The following CLVS1 variants were observed in gnomAD, a reference collection of about 807,000 sequenced individuals.
The protein encoded by CLVS1 is clavesin-1.
In CLVS1, 10 loss-of-function variants were observed where a neutral mutation model predicts 33.1. The ratio of observed to expected loss-of-function variants is 0.30; its 90% confidence interval spans 0.19 to 0.51. The LOEUF (loss-of-function observed/expected upper bound fraction) is 0.51. Ranked by LOEUF, CLVS1 falls within the 20% of genes least tolerant of loss-of-function variation. The pLI is 0.97. For synonymous variants in CLVS1, 163 were observed against 166.1 expected (o/e 0.98, Z 0.14); for missense variants, 343 against 433.4 (o/e 0.79, Z 1.85).
chr8:61,411,251 G>C (rs1041766860), intron 3 of CLVS1, among the ~76,000 whole-genome samples: 12 of 152,240 alleles, frequency 7.9e-5, no homozygotes, highest in African/African-American at 2.9e-4. Context: ...AGGTTCCAGA[G>C]GTTGTTGCTT....
intron 1 of CLVS1, among the ~76,000 whole-genome samples, chr8:61,130,554 G>C (rs1420854888): frequency 6.6e-6 from 1 of 152,154 alleles, no homozygotes; most frequent in Non-Finnish European, 1.5e-5. Context: ...TGGTATCTTG[G>C]GTGAGAAAAT....
chr8:61,475,619 C>G (rs2129607925), intron 5 of CLVS1, among the ~76,000 whole-genome samples: 1 of 152,220 alleles, frequency 6.6e-6, no homozygotes, highest in Non-Finnish European at 1.5e-5. Flanking sequence ...TGTTCATATC[C>G]TTTGTCCACT....
At chr8:61,033,037 GAAAGAAAGAAAA>G in the CLVS1 span, among the ~76,000 whole-genome samples, 194 of 105,680 alleles carry the variant, frequency 1.8e-3, 8 homozygotes, top group Admixed American at 3.5e-3. Context: ...AAGAAAGAAA[GAAAGAAAGAAAA>G]AGAAAGAAAG....
At chr8:61,053,280 G>A (rs1489112317), upstream of CLVS1, among the ~76,000 whole-genome samples, 1 of 152,202 alleles carries the variant, frequency 6.6e-6, no homozygotes, top group Admixed American at 6.5e-5. Flanking sequence ...TACCACTGGA[G>A]TGCAGGTAGA....
At chr8:61,090,962 C>T in intron 1 of CLVS1, 1 of 506,874 alleles carries the variant, frequency 2.0e-6, no homozygotes, top group Admixed American at 2.0e-5. Context: ...AGAGGGTAGA[C>T]TGTGGTAGAC....
At chr8:61,225,827 T>C (rs1563452666) in intron 2 of CLVS1, among the ~76,000 whole-genome samples, 1 of 152,202 alleles carries the variant, frequency 6.6e-6, no homozygotes, top group Admixed American at 6.5e-5. Context: ...TTAATAGAAT[T>C]TGGGCTTCAA....
At chr8:61,358,157 C>A (rs988983632) in intron 2 of CLVS1, among the ~76,000 whole-genome samples, 15 of 152,166 alleles carry the variant, frequency 9.9e-5, no homozygotes, top group Admixed American at 8.5e-4. Flanking sequence ...ATCTTTCAAA[C>A]AGTAATTTAA....
chr8:61,413,625 C>T (rs114065726), intron 3 of CLVS1, among the ~76,000 whole-genome samples: 3,093 of 152,284 alleles, frequency 0.02, 91 homozygotes, highest in African/African-American at 0.07. Context: ...CCTTAACACC[C>T]TCCCCTTAAC....
intron 2 of CLVS1, among the ~76,000 whole-genome samples, chr8:61,347,626 TTATATATATATATATATATATATA>T (rs56179025): frequency 0.053 from 1,962 of 37,042 alleles, 100 homozygotes; most frequent in Admixed American, 0.087. Context: ...GGCCATTCCA[TTATATATATATATATATATATATA>T]TATATATATA....
At chr8:61,092,691 T>C (rs1296526908) in intron 1 of CLVS1, among the ~76,000 whole-genome samples, 1 of 152,216 alleles carries the variant, frequency 6.6e-6, no homozygotes, top group Non-Finnish European at 1.5e-5. Flanking sequence ...GACGGATTCT[T>C]CTGACTCCTC....
At chr8:61,249,899 T>A (rs1808896428) in intron 2 of CLVS1, among the ~76,000 whole-genome samples, 1 of 152,232 alleles carries the variant, frequency 6.6e-6, no homozygotes, top group South Asian at 2.1e-4. Flanking sequence ...TCTTTTGCTA[T>A]GGAGAAGCTC....
intron 2 of CLVS1, among the ~76,000 whole-genome samples, chr8:61,343,550 T>C (rs1461252456): frequency 1.3e-5 from 2 of 152,202 alleles, no homozygotes; most frequent in Non-Finnish European, 2.9e-5. Context: ...GGTGTCATGC[T>C]CTTTTAAGCA....
chr8:61,325,018 C>T (rs550594302), intron 2 of CLVS1, among the ~76,000 whole-genome samples: 5 of 152,250 alleles, frequency 3.3e-5, no homozygotes, highest in African/African-American at 1.2e-4. Flanking sequence ...ATTTTGAAGT[C>T]CAACTGGGCC....
At chr8:61,163,959 TG>T (rs1806802465) in intron 2 of CLVS1, among the ~76,000 whole-genome samples, 1 of 151,640 alleles carries the variant, frequency 6.6e-6, no homozygotes, top group African/African-American at 2.4e-5. Context: ...TTTAACAGAG[TG>T]AAAACAAAGC....
At chr8:61,447,911 G>A (rs192168469) in intron 3 of CLVS1, among the ~76,000 whole-genome samples, 3 of 152,032 alleles carry the variant, frequency 2.0e-5, no homozygotes, top group Non-Finnish European at 4.4e-5. Flanking sequence ...TTCCTGTTTA[G>A]GAGAACTGAG....
chr8:61,373,565 G>A (rs974929886), intron 2 of CLVS1, among the ~76,000 whole-genome samples: 6 of 152,170 alleles, frequency 3.9e-5, no homozygotes, highest in Admixed American at 6.5e-5. Context: ...GGAGTAAAAT[G>A]AGATAGAGAT....
chr8:61,298,628 A>G (rs889460102), intron 1 of CLVS1, among the ~76,000 whole-genome samples: 4 of 152,224 alleles, frequency 2.6e-5, no homozygotes, highest in African/African-American at 9.6e-5. Context: ...ACTGCAGATA[A>G]GATTGACTTA....
At chr8:60,986,574 G>T in the CLVS1 span, among the ~76,000 whole-genome samples, 7 of 152,214 alleles carry the variant, frequency 4.6e-5, no homozygotes, top group South Asian at 2.1e-4. Flanking sequence ...CAAAAAGCTC[G>T]CAGGAATTGA....
chr8:61,196,734 AT>A (rs1807619600), intron 2 of CLVS1, among the ~76,000 whole-genome samples: 1 of 152,210 alleles, frequency 6.6e-6, no homozygotes, highest in African/African-American at 2.4e-5. Flanking sequence ...TTTAGGAGGC[AT>A]TTAGGAGGCA....
Sources: allele counts gnomAD v4.1 joint callset (sites outside exome capture counted in the v4.1 genomes callset), GRCh38; gene constraint gnomAD v4.1.1; transcripts MANE v1.5; gene names NCBI Gene and HGNC (gene_info 2026-07-23, HGNC 2026-07-21).